Variants in TNR observed in about 807,000 individuals in gnomAD.
The protein encoded by TNR is tenascin R.
A neutral mutation model predicts 150.4 loss-of-function variants in TNR; 45 were observed. The ratio of observed to expected loss-of-function variants is 0.30; its 90% CI spans 0.24 to 0.38. TNR has a LOEUF of 0.38. Among genes scored for constraint, TNR ranks in the 10% least tolerant of loss-of-function variants. The pLI is 1.00. For synonymous variants in TNR, 687 were observed against 678.4 expected (o/e 1.01, Z -0.20); for missense variants, 1,544 against 1,759.1 (o/e 0.88, Z 2.19).
intron 4 of TNR, among the ~76,000 whole-genome samples, chr1:175,398,793 A>C (rs2102041445): frequency 6.6e-6 from 1 of 152,350 alleles, no homozygotes; most frequent in Non-Finnish European, 1.5e-5. Context: ...CTTTACATTT[A>C]TATAGCATTT....
rs1311421424 is a variant in TNR at position 175,315,229 on chromosome 1, G to A, written c.*8128C>T. On this transcript the variant is annotated 3_prime_UTR_variant, in exon 23 of 23. Transcript: ENST00000367674. Reference sequence around the variant, plus strand: ...GATCTTTTATTAACGTATAGAAAATGTGTTTAAAAAAGGAACTATACAGAG... The same window carrying A: ...GATCTTTTATTAACGTATAGAAAATATGTTTAAAAAAGGAACTATACAGAG... 1 of 152,088 alleles carries A rather than the reference G, an allele frequency of 6.6e-6. No individual in the cohort carries two copies. The highest frequency in any genetic ancestry group is 1.5e-5 in the Non-Finnish European group (1 of 68,026). The allele number at this position is 152,088 out of a possible 1,614,324, so 9.4% of individuals were successfully genotyped here. A position where few individuals can be genotyped will look rare whatever the true frequency, so the allele number is the denominator to read the frequency against.
chr1:175,691,268 TGA>T (rs1037586385), intron 1 of TNR, among the ~76,000 whole-genome samples: 4 of 151,324 alleles, frequency 2.6e-5, no homozygotes, highest in Non-Finnish European at 5.9e-5. Context: ...TCAAGGAAGT[TGA>T]GAGATCAACG....
intron 2 of TNR, among the ~76,000 whole-genome samples, chr1:175,430,074 T>C (rs1655193909): frequency 6.7e-6 from 1 of 150,184 alleles, no homozygotes; most frequent in South Asian, 2.1e-4. Context: ...TAGATAATGA[T>C]AACATTATAA....
chr1:175,337,394 G>T, intron 19 of TNR, 134 bp downstream of exon 19: 1 of 1,020,928 alleles, frequency 9.8e-7, no homozygotes, highest in Non-Finnish European at 1.5e-6. Context: ...GCAATGAGGA[G>T]CCCCAAGATG....
At chr1:175,734,494 G>A (rs889669960) in intron 1 of TNR, among the ~76,000 whole-genome samples, 1 of 152,172 alleles carries the variant, frequency 6.6e-6, no homozygotes, top group African/African-American at 2.4e-5. Flanking sequence ...TTTCTGCCTG[G>A]CCAGCATGGG....
At chr1:175,383,251 C>T (rs1470960475) in intron 8 of TNR, among the ~76,000 whole-genome samples, 3 of 152,196 alleles carry the variant, frequency 2.0e-5, no homozygotes, top group African/African-American at 7.2e-5. Flanking sequence ...CATTCACAGG[C>T]ATCAGGATCA....
At chr1:175,699,060 A>C (rs1666612515) in intron 1 of TNR, among the ~76,000 whole-genome samples, 1 of 152,194 alleles carries the variant, frequency 6.6e-6, no homozygotes, top group Non-Finnish European at 1.5e-5. Flanking sequence ...GCCCAGGCAC[A>C]AGGTGATGGA....
intron 2 of TNR, among the ~76,000 whole-genome samples, chr1:175,501,911 G>T (rs1465633109): frequency 3.3e-5 from 5 of 152,196 alleles, no homozygotes; most frequent in Admixed American, 2.6e-4. Context: ...CCAGTCTGGT[G>T]TGGGTACAGA....
intron 1 of TNR, among the ~76,000 whole-genome samples, chr1:175,708,252 T>A (rs1164792957): frequency 1.3e-5 from 2 of 152,178 alleles, no homozygotes; most frequent in Admixed American, 6.5e-5. Flanking sequence ...GGCCACCTCC[T>A]TCCTTTCTCT....
intron 1 of TNR, among the ~76,000 whole-genome samples, chr1:175,577,679 C>T (rs1662175231): frequency 6.6e-6 from 1 of 152,042 alleles, no homozygotes. Flanking sequence ...TCTATAATAT[C>T]GTTTCTGTGG....
At chr1:175,340,642 G>A (rs768941781) in intron 18 of TNR, among the ~76,000 whole-genome samples, 7 of 152,304 alleles carry the variant, frequency 4.6e-5, no homozygotes, top group South Asian at 2.1e-4. Context: ...AGGGGATGGC[G>A]CAGGGAATCA....
At chr1:175,363,683 T>C in intron 13 of TNR, 25 bp downstream of exon 13, 1 of 1,609,932 alleles carries the variant, frequency 6.2e-7, no homozygotes, top group Non-Finnish European at 8.5e-7. Context: ...CCTAGTATCT[T>C]TGAGAAATCA....
rs1571682170 is a variant in TNR, at chr1:175,618,703, C to T, written c.-164-90334G>A. ...ACAGCAGGGAGTGGAATCCCCCAAC[C>T]TGGTTGGCCTGAATACGCCAGCTTT... On this transcript the variant is annotated intron_variant, in intron 1 of 22. Transcript: ENST00000367674. Among the ~76,000 whole-genome samples, 5 of 152,208 alleles carry T rather than the reference C, an allele frequency of 3.3e-5. 1 individual carries two copies. In the South Asian group the frequency reaches 8.3e-4, roughly 25 times the overall value.
intron 2 of TNR, among the ~76,000 whole-genome samples, chr1:175,409,440 A>G (rs897629797): frequency 6.6e-6 from 1 of 152,220 alleles, no homozygotes; most frequent in African/African-American, 2.4e-5. Context: ...GTCCAAAGTG[A>G]CAGCTACAAA....
At chr1:175,356,590 A>G in intron 15 of TNR, 128 bp from the exon 16 acceptor site, 1 of 1,097,832 alleles carries the variant, frequency 9.1e-7, no homozygotes, top group Non-Finnish European at 1.3e-6. Flanking sequence ...TTCATAGGTT[A>G]TCTAGCTTAG....
At chr1:175,366,272 A>G in intron 10 of TNR, 134 bp from the exon 11 acceptor site, 1 of 997,412 alleles carries the variant, frequency 1.0e-6, no homozygotes, top group South Asian at 2.1e-5. Context: ...GCTGACACTT[A>G]TCTAATATTT....
At chr1:175,690,349 CA>C (rs1313655542) in intron 1 of TNR, among the ~76,000 whole-genome samples, 1 of 152,150 alleles carries the variant, frequency 6.6e-6, no homozygotes, top group Non-Finnish European at 1.5e-5. Context: ...GATCTGGTGA[CA>C]AGTGTGCAAA....
chr1:175,580,252 G>A (rs529056011), intron 1 of TNR, among the ~76,000 whole-genome samples: 1 of 152,282 alleles, frequency 6.6e-6, no homozygotes, highest in South Asian at 2.1e-4. Flanking sequence ...AAGAGAGCAG[G>A]GGCAGGAAAA....
chr1:175,515,888 A>G (rs1327260396), intron 2 of TNR, among the ~76,000 whole-genome samples: 3 of 152,228 alleles, frequency 2.0e-5, no homozygotes, highest in Non-Finnish European at 4.4e-5. Context: ...GGGCTTCAAA[A>G]TGTATCCAGC....
Sources: gnomAD v4.1 joint callset for allele counts (sites outside exome capture counted in the v4.1 genomes callset) on GRCh38, gnomAD v4.1.1 for gene constraint, MANE v1.5 for transcripts, NCBI Gene and HGNC (gene_info 2026-07-23, HGNC 2026-07-21) for gene names.